COX11: variants seen among roughly 807,000 people sequenced by gnomAD.
COX11 encodes cytochrome c oxidase copper chaperone COX11.
A neutral mutation model predicts 29.4 loss-of-function variants in COX11; 18 were observed. The ratio of observed to expected loss-of-function variants is 0.61; its 90% confidence interval spans 0.42 to 0.91. The LOEUF (loss-of-function observed/expected upper bound fraction) is 0.91, where lower values mean the gene tolerates loss of function less well. Among genes scored for constraint, COX11 ranks in the 40% least tolerant of loss-of-function variants. COX11 has a pLI of 0.00. For synonymous variants in COX11, 131 were observed against 124.0 expected, an observed-to-expected ratio of 1.06 and a Z score of -0.38; for missense variants, 312 against 346.0, an observed-to-expected ratio of 0.90 and a Z score of 0.78.
In COX11 at chr17:54,961,171, T is replaced by TA; in HGVS notation, c.*1561dup. 8.9e-7 allele frequency: 1 copy of TA among 1,121,042 alleles called. No individual in the cohort carries two copies. The allele number at this position is 1,121,042 out of a possible 1,614,324, so 69.4% of individuals were successfully genotyped here. ...AGCTTCCCAGTAAAGACAAGAGAGT[T>TA]ATCAAGGAATGGGGAAAGAGAAGGA... On this transcript the variant is annotated 3_prime_UTR_variant, in exon 4 of 4. Coordinates refer to ENST00000299335, the MANE Select transcript of COX11 (RefSeq NM_004375.5).
upstream of COX11, chr17:54,968,764 C>G (rs1242566860): frequency 8.1e-7 from 1 of 1,233,884 alleles, no homozygotes. Flanking sequence ...CCAGGCTCCT[C>G]AGGTGGCAGC....
chr17:54,967,042 G>GCACACA lies in COX11; in HGVS notation c.366+1233_366+1238dup, dbSNP rs71159276. ...TAAATAAATAAACGTGCGCGCGCGC[G>GCACACA]CACACACACACACACACACACACAC... On this transcript the variant is annotated intron_variant, in intron 1 of 3. Transcript: ENST00000299335. Among the ~76,000 whole-genome samples the GCACACA allele has an allele frequency of 3.1e-3, 300 of 96,106 alleles. 2 individuals are homozygous for GCACACA. The highest frequency in any genetic ancestry group is 0.023 in the East Asian group (91 of 4,038). The allele number at this position is 96,106 out of a possible 152,430, so 63.0% of individuals were successfully genotyped here.
chr17:54,961,914 A>G lies in COX11; in HGVS notation c.*819T>C, dbSNP rs565458605. ...AACACAGAAAATGAAAATATTTAGA[A>G]TAAGTTGTACATTTGATGACAAATA... is the stretch of plus-strand genomic sequence containing the variant. On this transcript the variant is annotated 3_prime_UTR_variant, in exon 4 of 4. Transcript: ENST00000299335. 4.0e-5 allele frequency: 36 copies of G among 900,758 alleles called. No homozygotes were observed. The African/African-American group carries it at 6.1e-4, about 15-fold the overall frequency. The allele number at this position is 900,758 out of a possible 1,614,324, so 55.8% of individuals were successfully genotyped here.
chr17:54,961,569 A>C lies in COX11; in HGVS notation c.*1164T>G. ...ATTTAGAAATCGTCACACAGCTGTGATAAGAGTAGATTATTTTACTATGAA... is the reference window on the plus strand; with the variant it reads ...ATTTAGAAATCGTCACACAGCTGTGCTAAGAGTAGATTATTTTACTATGAA... On this transcript the variant is annotated 3_prime_UTR_variant, in exon 4 of 4. Transcript: ENST00000299335. 7.6e-7 allele frequency: 1 copy of C among 1,314,686 alleles called. No homozygotes were observed. Among genetic ancestry groups the C allele is most frequent in the Non-Finnish European group, 9.7e-7 (1 of 1,032,060 alleles). 81.4% of individuals were successfully genotyped at this position (1,314,686 alleles called of 1,614,324 possible).
Position 54,964,800 on chromosome 17 carries a change from T to C in COX11, c.419A>G (p.Glu140Gly). The C allele has an allele frequency of 6.2e-7, 1 of 1,613,688 alleles. No individual in the cohort carries two copies. The highest frequency in any genetic ancestry group is 1.1e-5 in the South Asian group (1 of 91,062). The change falls in exon 2 of 4, where the codon GAA (glutamate) becomes GGA (glycine). Residue 140 changes from glutamate to glycine, a missense_variant. Glu to Gly is a moderately conservative substitution (Grantham distance 98). Around this residue, in one of 2 missense-constraint regions of COX11, gnomAD observed 182 missense variants for 240.0 expected, o/e 0.76. Coordinates refer to ENST00000299335, the MANE Select transcript of COX11 (RefSeq NM_004375.5). ...AVAGHASDKI[E>G]NMVPVKDRII... Reference sequence around the variant, plus strand: ...TCGATCTTTAACAGGCACCATGTTTTCAATCTTGTCTGAGGCATGACCTGC... The same window carrying C: ...TCGATCTTTAACAGGCACCATGTTTCCAATCTTGTCTGAGGCATGACCTGC...
rs1040828212 is a variant in COX11 at position 54,964,923 on chromosome 17, T to G, written c.367-71A>C. On this transcript the variant is annotated intron_variant, in intron 1 of 3. Transcript: ENST00000299335. Reference sequence around the variant, plus strand: ...ATGATCTATTTATTTGATAAAAGTTTAAAAACAATGTAGTATTTATAATCC... The same window carrying G: ...ATGATCTATTTATTTGATAAAAGTTGAAAAACAATGTAGTATTTATAATCC... 2.7e-6 allele frequency: 4 copies of G among 1,458,308 alleles called. No individual in the cohort carries two copies. The African/African-American group carries it at 5.7e-5, about 21-fold the overall frequency. 90.3% of individuals were successfully genotyped at this position (1,458,308 alleles called of 1,614,324 possible).
downstream of COX11, chr17:54,956,820 AGTGACAG>A (rs2049531513): frequency 6.6e-6 from 1 of 151,738 alleles, no homozygotes; most frequent in Non-Finnish European, 1.5e-5. Flanking sequence ...AAAGCAGGAA[AGTGACAG>A]GAGGGTTTTA....
At position 54,962,513 on chromosome 17, in the gene COX11, G is replaced by A; in HGVS notation, c.*220C>T. 8.1e-7 allele frequency: 1 copy of A among 1,233,938 alleles called. No homozygotes were observed. Among genetic ancestry groups the A allele is most frequent in the Non-Finnish European group, 1.0e-6 (1 of 987,914 alleles). 76.4% of individuals were successfully genotyped at this position (1,233,938 alleles called of 1,614,324 possible). ...TAATAGTATCAAACTCTTCAGTATG[G>A]TATTGAATAGTCAGTCATATATTCT... is the stretch of plus-strand genomic sequence containing the variant. On this transcript the variant is annotated 3_prime_UTR_variant, in exon 4 of 4. Coordinates refer to ENST00000299335, the MANE Select transcript of COX11 (RefSeq NM_004375.5).
Position 54,968,389 on chromosome 17 carries a change from C to T in COX11, c.258G>A (p.Glu86=). 4.3e-6 allele frequency: 7 copies of T among 1,613,168 alleles called. No homozygotes were observed. Among genetic ancestry groups the T allele is most frequent in the Non-Finnish European group, 5.9e-6 (7 of 1,179,922 alleles). ...TCGTCTTGTTCTGCCGCCGCCGCTC[C>T]TCCTCCTGCGCGCGTGTGAAAGGGT... is the stretch of plus-strand genomic sequence containing the variant. ...SSNPFTRAQE[E]ERRRQNKTTL... Residue 86 remains glutamate, a synonymous_variant, in exon 1 of 4, where the codon GAG becomes GAA. Coordinates refer to ENST00000299335, the MANE Select transcript of COX11 (RefSeq NM_004375.5).
At position 54,960,859 on chromosome 17, in the gene COX11, G is replaced by A. The variant is rs2077104201; in HGVS notation, c.*1874C>T. 6.6e-6 allele frequency among the ~76,000 whole-genome samples: 1 copy of A among 152,094 alleles called. No individual in the cohort carries two copies. Among genetic ancestry groups the A allele is most frequent in the African/African-American group, 2.4e-5 (1 of 41,400 alleles). ...AAGGCTTGGGAATACAGTAGTTTAT[G>A]GTATAGAAATATTAATGCTAACAAA... is the stretch of plus-strand genomic sequence containing the variant. On this transcript the variant is annotated 3_prime_UTR_variant, in exon 4 of 4. Transcript: ENST00000299335.
At position 54,961,624 on chromosome 17, in the gene COX11, G is replaced by A. The variant is rs1253743862; in HGVS notation, c.*1109C>T. The A allele has an allele frequency of 1.2e-5, 13 of 1,111,298 alleles. No individual in the cohort carries two copies. The highest frequency in any genetic ancestry group is 3.3e-5 in the African/African-American group (2 of 60,922). 68.8% of individuals were successfully genotyped at this position (1,111,298 alleles called of 1,614,324 possible). A position where few individuals can be genotyped will look rare whatever the true frequency, so the allele number is the denominator to read the frequency against. ...TTCTGAATAGATGAAAGCATAAAAT[G>A]TGAGAAACTGAATGTATTATTCAGG... On this transcript the variant is annotated 3_prime_UTR_variant, in exon 4 of 4. Coordinates refer to ENST00000299335, the MANE Select transcript of COX11 (RefSeq NM_004375.5).
chr17:54,967,948 G>A (rs1043020659), intron 1 of COX11, among the ~76,000 whole-genome samples: 1 of 150,850 alleles, frequency 6.6e-6, no homozygotes, highest in Non-Finnish European at 1.5e-5. Context: ...GCGTGTGTGC[G>A]CAGGAGGGTA....
chr17:54,965,288 T>C (rs1303597499), intron 1 of COX11, among the ~76,000 whole-genome samples: 1 of 152,262 alleles, frequency 6.6e-6, no homozygotes, highest in Non-Finnish European at 1.5e-5. Flanking sequence ...TATTCCTGTC[T>C]GGTCCTTTTC....
intron 2 of COX11, 44 bp from the exon 3 acceptor site, chr17:54,963,475 A>T: frequency 6.4e-7 from 1 of 1,560,914 alleles, no homozygotes; most frequent in South Asian, 1.2e-5. Context: ...TGAATCTCAC[A>T]AAGTTCCTCT....
chr17:54,955,184 G>C (rs2049434397), upstream of COX11: 1 of 152,192 alleles, frequency 6.6e-6, no homozygotes, highest in South Asian at 2.1e-4. Flanking sequence ...ACCATGCAAA[G>C]CCATCCAGAG....
chr17:54,962,990 C>G (rs1341107906), intron 3 of COX11, 75 bp from the exon 4 acceptor site: 1 of 1,294,648 alleles, frequency 7.7e-7, no homozygotes, highest in African/African-American at 1.5e-5. Flanking sequence ...GTTCTTTTAT[C>G]TTAGCATTCC....
At chr17:54,951,967 G>A (rs3087650) in exon 1 of COX11, 31,746 of 152,090 alleles carry the variant, frequency 0.21, 3,883 homozygotes, top group Non-Finnish European at 0.27. Context: ...ATCAGAAAGC[G>A]TTCTTCTGTA....
chr17:54,958,428 C>T (rs1377996722), downstream of COX11: 2 of 152,088 alleles, frequency 1.3e-5, no homozygotes. Flanking sequence ...AAATATGAAG[C>T]AGTGATGAAA....
Position 54,968,641 on chromosome 17 carries a change from T to TCCCATAAC in COX11, c.-3_5dup (p.Gly3LeufsTer33). ...ACCTCCATCCAGGACGCCAGAGCCC[T>TCCCATAAC]CCCATAACCCTCTGAACTAACACCC... On this transcript the variant is annotated frameshift_variant, in exon 1 of 4. Coordinates refer to ENST00000299335, the MANE Select transcript of COX11 (RefSeq NM_004375.5). LOFTEE classifies it high-confidence loss of function. 3 of 1,611,438 alleles carry TCCCATAAC rather than the reference T, an allele frequency of 1.9e-6. No individual in the cohort carries two copies. The highest frequency in any genetic ancestry group is 2.5e-6 in the Non-Finnish European group (3 of 1,179,662).
Sources: gnomAD v4.1 joint callset for allele counts (sites outside exome capture counted in the v4.1 genomes callset) on GRCh38, gnomAD v4.1.1 for gene constraint, gnomAD v4.1.1 regional missense constraint, MANE v1.5 for transcripts, NCBI Gene and HGNC (gene_info 2026-07-23, HGNC 2026-07-21) for gene names.